The following RIGI variants were observed in gnomAD, a reference collection of about 807,000 sequenced individuals.
RIGI encodes the protein RNA sensor RIG-I, also known as antiviral innate immune response receptor RIG-I.
the RIGI span, among the ~76,000 whole-genome samples, chr9:32,478,193 G>C: frequency 6.6e-6 from 1 of 151,894 alleles, no homozygotes; most frequent in South Asian, 2.1e-4. Flanking sequence ...ACAGGTGCGT[G>C]CCACCATATC....
chr9:32,504,344 T>C, the RIGI span, among the ~76,000 whole-genome samples: 1 of 152,050 alleles, frequency 6.6e-6, no homozygotes, highest in African/African-American at 2.4e-5. Flanking sequence ...ATAACACTCA[T>C]TAGTGTCTCT....
At chr9:32,464,727 G>T in the RIGI span, among the ~76,000 whole-genome samples, 1 of 152,130 alleles carries the variant, frequency 6.6e-6, no homozygotes, top group Non-Finnish European at 1.5e-5. Context: ...GGGCAGCTGG[G>T]CCTGGTCATG....
chr9:32,488,453 T>C, the RIGI span, among the ~76,000 whole-genome samples: 1 of 152,204 alleles, frequency 6.6e-6, no homozygotes, highest in African/African-American at 2.4e-5. Flanking sequence ...AAGAATAATA[T>C]CAAATAAATT....
the RIGI span, chr9:32,493,946 A>G: frequency 1.9e-6 from 3 of 1,557,098 alleles, no homozygotes; most frequent in Non-Finnish European, 1.7e-6. Context: ...GAATAACCTG[A>G]AAAAAAAGAA....
chr9:32,463,286 T>A, the RIGI span, among the ~76,000 whole-genome samples: 1 of 152,248 alleles, frequency 6.6e-6, no homozygotes, highest in Non-Finnish European at 1.5e-5. Flanking sequence ...ACATTATATG[T>A]ATTTATCCCA....
At chr9:32,518,682 T>G in the RIGI span, among the ~76,000 whole-genome samples, 231 of 152,346 alleles carry the variant, frequency 1.5e-3, 4 homozygotes, top group African/African-American at 5.1e-3. Context: ...TTGGCAATCC[T>G]TTCTTAATAT....
At chr9:32,504,068 C>CACACACACACACACACA in the RIGI span, among the ~76,000 whole-genome samples, 39 of 151,172 alleles carry the variant, frequency 2.6e-4, no homozygotes, top group South Asian at 6.3e-4. Context: ...CACACACACA[C>CACACACACACACACACA]CCAGGTCTGC....
the RIGI span, among the ~76,000 whole-genome samples, chr9:32,475,834 C>T: frequency 6.6e-6 from 1 of 152,046 alleles, no homozygotes; most frequent in African/African-American, 2.4e-5. Context: ...TTTGTCAAAA[C>T]TTAAAACTTT....
chr9:32,488,006 T>C, the RIGI span: 2 of 1,614,024 alleles, frequency 1.2e-6, no homozygotes, highest in East Asian at 2.2e-5. Context: ...CATGATCATA[T>C]TGTACGGGTG....
the RIGI span, among the ~76,000 whole-genome samples, chr9:32,522,231 T>C: frequency 1.3e-5 from 2 of 152,210 alleles, no homozygotes; most frequent in African/African-American, 4.8e-5. Flanking sequence ...TTTTTTGGAA[T>C]CTGGAGAATT....
chr9:32,484,586 C>T, the RIGI span, among the ~76,000 whole-genome samples: 2 of 152,216 alleles, frequency 1.3e-5, no homozygotes, highest in Non-Finnish European at 2.9e-5. Flanking sequence ...TCAATCATAA[C>T]ACTCACAGTT....
At chr9:32,519,185 C>A in the RIGI span, among the ~76,000 whole-genome samples, 3 of 152,010 alleles carry the variant, frequency 2.0e-5, no homozygotes, top group African/African-American at 7.2e-5. Context: ...TTTGTTTTTT[C>A]TTTTAATTTG....
At chr9:32,512,389 C>T in the RIGI span, among the ~76,000 whole-genome samples, 1 of 152,322 alleles carries the variant, frequency 6.6e-6, no homozygotes, top group African/African-American at 2.4e-5. Context: ...TCTGCTTCAT[C>T]CCTGGGATAC....
At chr9:32,514,385 C>T in the RIGI span, among the ~76,000 whole-genome samples, 4 of 152,120 alleles carry the variant, frequency 2.6e-5, no homozygotes, top group African/African-American at 4.8e-5. Context: ...CCATGGAATA[C>T]TACGCAGCCA....
chr9:32,455,764 T>G, the RIGI span: 6 of 152,370 alleles, frequency 3.9e-5, no homozygotes, highest in Non-Finnish European at 4.4e-5. Flanking sequence ...TAGTAACTAT[T>G]ATCAAGCAAC....
chr9:32,525,218 CTTCTT>C, the RIGI span, among the ~76,000 whole-genome samples: 1 of 152,184 alleles, frequency 6.6e-6, no homozygotes, highest in Non-Finnish European at 1.5e-5. Flanking sequence ...CCCCTGACCC[CTTCTT>C]CCAGATATAC....
At chr9:32,489,534 TTCTG>T in the RIGI span, 2 of 711,404 alleles carry the variant, frequency 2.8e-6, no homozygotes, top group African/African-American at 1.8e-5. Context: ...TGTCCACAAA[TTCTG>T]ACTCCAGCAA....
the RIGI span, chr9:32,488,155 C>T: frequency 6.2e-7 from 1 of 1,614,038 alleles, no homozygotes; most frequent in South Asian, 1.1e-5. Flanking sequence ...CAATCTGTTC[C>T]ACTGGGACAT....
At chr9:32,504,327 T>A in the RIGI span, among the ~76,000 whole-genome samples, 1 of 152,090 alleles carries the variant, frequency 6.6e-6, no homozygotes, top group South Asian at 2.1e-4. Context: ...AAGTTTTATA[T>A]CCAGCCATAA....
Sources: allele counts gnomAD v4.1 joint callset (sites outside exome capture counted in the v4.1 genomes callset), GRCh38; gene constraint gnomAD v4.1.1; transcripts MANE v1.5; gene names NCBI Gene and HGNC (gene_info 2026-07-23, HGNC 2026-07-21).